The following GFPT1 variants were observed in gnomAD, a reference collection of about 807,000 sequenced individuals.
The protein encoded by GFPT1 is glutamine--fructose-6-phosphate transaminase 1, also known as glutamine--fructose-6-phosphate aminotransferase [isomerizing] 1.
GFPT1 carries 40 observed loss-of-function variants against 92.0 expected under a neutral mutation model. The observed-to-expected ratio is 0.43, with a 90% confidence interval of 0.34 to 0.57. The LOEUF (loss-of-function observed/expected upper bound fraction) is 0.57. Among genes scored for constraint, GFPT1 ranks in the 20% least tolerant of loss-of-function variants. The pLI, the probability that GFPT1 is intolerant of heterozygous loss-of-function variation, is 0.02. For synonymous variants in GFPT1, 269 were observed against 280.6 expected, an observed-to-expected ratio of 0.96 and a Z score of 0.41; for missense variants, 448 against 869.1, an observed-to-expected ratio of 0.52 and a Z score of 6.09.
intron 1 of GFPT1, among the ~76,000 whole-genome samples, chr2:69,374,812 T>G (rs899564956): frequency 1.3e-5 from 2 of 152,220 alleles, no homozygotes; most frequent in Non-Finnish European, 2.9e-5. Context: ...TTAATTTTGC[T>G]TATTTCCAAT....
At chr2:69,382,686 G>A (rs1672038146) in intron 1 of GFPT1, among the ~76,000 whole-genome samples, 1 of 151,930 alleles carries the variant, frequency 6.6e-6, no homozygotes, top group African/African-American at 2.4e-5. Context: ...CCTTCATCTG[G>A]TAGTAGTTCT....
At chr2:69,367,284 A>G (rs1259075674) in intron 3 of GFPT1, among the ~76,000 whole-genome samples, 2 of 152,200 alleles carry the variant, frequency 1.3e-5, no homozygotes, top group Non-Finnish European at 2.9e-5. Context: ...GCAGAACCAG[A>G]TTCAGTACAC....
chr2:69,374,872 C>T (rs183618119), intron 1 of GFPT1, among the ~76,000 whole-genome samples: 1 of 152,124 alleles, frequency 6.6e-6, no homozygotes, highest in Non-Finnish European at 1.5e-5. Flanking sequence ...AAAATACTCA[C>T]CCCTTAAATA....
intron 4 of GFPT1, among the ~76,000 whole-genome samples, chr2:69,361,410 T>G (rs189175727): frequency 2.6e-4 from 38 of 145,216 alleles, no homozygotes; most frequent in African/African-American, 9.5e-4. Context: ...AGCATGCCAT[T>G]GCACTCCAGC....
chr2:69,374,316 T>G (rs1168337293), intron 1 of GFPT1, among the ~76,000 whole-genome samples: 1 of 85,804 alleles, frequency 1.2e-5, no homozygotes, highest in Non-Finnish European at 2.2e-5. Context: ...TTTATAATTT[T>G]TTCTTTTTTT....
In GFPT1 at chr2:69,361,357, A is replaced by C. The variant is rs1224741832; in HGVS notation, c.350-2031T>G. On this transcript the variant is annotated intron_variant, in intron 4 of 19. Coordinates refer to ENST00000357308, the MANE Select transcript of GFPT1 (RefSeq NM_001244710.2). ...CAGCTACTTGGGAGGCTTGAGGCAG[A>C]AGAATCGCTGAATCCAGGAGGCAGA... Among the ~76,000 whole-genome samples, 4 of 151,148 alleles carry C rather than the reference A, an allele frequency of 2.6e-5. No individual in the cohort carries two copies. The East Asian group carries it at 7.9e-4, about 30-fold the overall frequency.
intron 1 of GFPT1, among the ~76,000 whole-genome samples, chr2:69,377,787 C>T (rs1671913358): frequency 6.6e-6 from 1 of 152,222 alleles, no homozygotes; most frequent in African/African-American, 2.4e-5. Context: ...ATAGCCCTGT[C>T]CCTTGATAGC....
chr2:69,354,516 C>A lies in GFPT1; in HGVS notation c.658G>T (p.Asp220Tyr). 4 of 1,605,766 alleles carry A rather than the reference C, an allele frequency of 2.5e-6. No homozygotes were observed. The South Asian group carries it at 4.4e-5, about 18-fold the overall frequency. Residue 220 changes from aspartate (D) to tyrosine (Y), a missense_variant, in exon 8 of 20, where the codon GAT (aspartate) becomes TAT (tyrosine). Asp to Tyr is a radical substitution (Grantham distance 160). Coordinates refer to ENST00000357308, the MANE Select transcript of GFPT1 (RefSeq NM_001244710.2). ...GTTCTGTAGAGTATAGGAATGTGATCAGTAGAAAGTTTATGTTCACTCCGT... is the reference window on the plus strand; with the variant it reads ...GTTCTGTAGAGTATAGGAATGTGATAAGTAGAAAGTTTATGTTCACTCCGT... ...GVRSEHKLST[D>Y]HIPILYRTAR...
At chr2:69,380,673 C>T (rs191176036) in intron 1 of GFPT1, among the ~76,000 whole-genome samples, 193 of 152,300 alleles carry the variant, frequency 1.3e-3, no homozygotes, top group African/African-American at 4.2e-3. Flanking sequence ...CCATTCACAT[C>T]AGACTACAAT....
intron 15 of GFPT1, among the ~76,000 whole-genome samples, chr2:69,332,041 C>A (rs1276344364): frequency 6.6e-6 from 1 of 152,012 alleles, no homozygotes; most frequent in Non-Finnish European, 1.5e-5. Context: ...TTTCTTACTT[C>A]TTTTGTTTTC....
intron 4 of GFPT1, among the ~76,000 whole-genome samples, chr2:69,361,757 T>C (rs961084732): frequency 6.6e-6 from 1 of 152,084 alleles, no homozygotes; most frequent in African/African-American, 2.4e-5. Flanking sequence ...GGTGGGAAGA[T>C]TACTTGAGTC....
intron 15 of GFPT1, among the ~76,000 whole-genome samples, chr2:69,331,020 CA>C (rs1477019673): frequency 1.3e-5 from 2 of 152,132 alleles, no homozygotes; most frequent in African/African-American, 4.8e-5. Context: ...AACTAAAAGA[CA>C]ATTAGTTTCT....
chr2:69,342,562 AAGT>A (rs1226969514), intron 12 of GFPT1, among the ~76,000 whole-genome samples: 1 of 152,132 alleles, frequency 6.6e-6, no homozygotes, highest in Non-Finnish European at 1.5e-5. Flanking sequence ...TTAAAGGCAA[AAGT>A]AGAGGGACAC....
chr2:69,371,187 T>G (rs1294257715), intron 2 of GFPT1: 1 of 147,550 alleles, frequency 6.8e-6, no homozygotes, highest in Non-Finnish European at 1.5e-5. Flanking sequence ...GCAATTCTCC[T>G]GCCTCAGCCT....
intron 3 of GFPT1, among the ~76,000 whole-genome samples, chr2:69,368,564 C>T (rs1012285507): frequency 7.2e-5 from 11 of 152,078 alleles, no homozygotes; most frequent in African/African-American, 2.7e-4. Context: ...CCCATCTCTA[C>T]CAAAAATACA....
chr2:69,329,693 G>A lies in GFPT1; in HGVS notation c.1588C>T (p.Arg530Trp), dbSNP rs1024585946. The change falls in exon 16 of 20, where the codon CGG (arginine) becomes TGG (tryptophan). Residue 530 changes from arginine (R) to tryptophan (W), a missense_variant. Arg to Trp is a moderately radical substitution (Grantham distance 101). Around this residue, in one of 7 missense-constraint regions of GFPT1, gnomAD observed 73 missense variants for 103.5 expected, o/e 0.71. Coordinates refer to ENST00000357308, the MANE Select transcript of GFPT1 (RefSeq NM_001244710.2). ...ATGAGTGTCTTTGTACCAGGCAGCC[G>A]TTTCAATCCAAGCATGATCTCTTTG... is the stretch of plus-strand genomic sequence containing the variant. ...RRKEIMLGLK[R>W]LPDLIKEVLS... is the part of the protein sequence containing the mutation. 1.0e-5 allele frequency: 16 copies of A among 1,605,246 alleles called. No homozygotes were observed. The highest frequency in any genetic ancestry group is 2.2e-5 in the South Asian group (2 of 90,890).
At position 69,359,345 on chromosome 2, in the gene GFPT1, T is replaced by G. The variant is rs745660899; in HGVS notation, c.350-19A>C. On this transcript the variant is annotated intron_variant, in intron 4 of 19. Coordinates refer to ENST00000357308, the MANE Select transcript of GFPT1 (RefSeq NM_001244710.2). The stretch of plus-strand genomic sequence containing the variant: ...ATAAATTCTAAAAGAGGTAAAAGTG[T>G]TGAAGACAAAAAAGTTAGAAGTATG... The G allele has an allele frequency of 7.0e-7, 1 of 1,428,656 alleles. No homozygotes were observed. Among genetic ancestry groups the G allele is most frequent in the South Asian group, 1.1e-5 (1 of 87,202 alleles). 88.5% of individuals were successfully genotyped at this position (1,428,656 alleles called of 1,614,324 possible).
intron 1 of GFPT1, among the ~76,000 whole-genome samples, chr2:69,381,301 T>A (rs1188329250): frequency 6.6e-6 from 1 of 152,120 alleles, no homozygotes; most frequent in African/African-American, 2.4e-5. Context: ...AGTCTTCATT[T>A]TCTTTTTTTG....
intron 15 of GFPT1, 63 bp from the exon 16 acceptor site, chr2:69,329,861 T>C: frequency 4.5e-6 from 4 of 887,756 alleles, no homozygotes; most frequent in Non-Finnish European, 7.7e-6. Context: ...TTAGAACTTT[T>C]AATTTTAAAA....
Sources: gnomAD v4.1 joint callset for allele counts (sites outside exome capture counted in the v4.1 genomes callset) on GRCh38, gnomAD v4.1.1 for gene constraint, gnomAD v4.1.1 regional missense constraint, MANE v1.5 for transcripts, NCBI Gene and HGNC (gene_info 2026-07-23, HGNC 2026-07-21) for gene names.